Variants in ZNF486 observed in about 807,000 individuals in gnomAD.
The protein encoded by ZNF486 is zinc finger protein 486.
In ZNF486, 12 loss-of-function variants were observed where a neutral mutation model predicts 12.8. The ratio of observed to expected loss-of-function variants is 0.94; its 90% CI spans 0.60 to 1.52. The LOEUF (loss-of-function observed/expected upper bound fraction) is 1.52, where lower values mean the gene tolerates loss of function less well. Ranked by LOEUF, ZNF486 falls within the 40% of genes most tolerant of loss-of-function variation. ZNF486 has a pLI of 0.00. For synonymous variants in ZNF486, 231 were observed against 184.9 expected, an observed-to-expected ratio of 1.25 and a Z score of -2.02; for missense variants, 738 against 545.0, an observed-to-expected ratio of 1.35 and a Z score of -3.53.
intron 1 of ZNF486, among the ~76,000 whole-genome samples, chr19:20,174,144 G>C (rs2089679706): frequency 6.6e-6 from 1 of 152,020 alleles, no homozygotes; most frequent in Admixed American, 6.6e-5. Flanking sequence ...ATACATAATG[G>C]TAAACATTAA....
At position 20,197,878 on chromosome 19, in the gene ZNF486, T is replaced by A; in HGVS notation, c.1168T>A (p.Ser390Thr). The change falls in exon 4 of 4, where the codon TCT becomes ACT. Residue 390 changes from serine to threonine, a missense_variant. Ser to Thr is a moderately conservative substitution (Grantham distance 58). Coordinates refer to ENST00000335117, the MANE Select transcript of ZNF486 (RefSeq NM_052852.4). ...CEECGKAFTW[S>T]AGLHKHRRTH... is the part of the protein sequence containing the mutation. Reference sequence around the variant, plus strand: ...AGAATGTGGCAAAGCCTTTACATGGTCTGCAGGCCTCCATAAACATAGGAG... The same window carrying A: ...AGAATGTGGCAAAGCCTTTACATGGACTGCAGGCCTCCATAAACATAGGAG... 1 of 1,613,348 alleles carries A rather than the reference T, an allele frequency of 6.2e-7. No homozygotes were observed. The highest frequency in any genetic ancestry group is 8.5e-7 in the Non-Finnish European group (1 of 1,179,874).
intron 3 of ZNF486, among the ~76,000 whole-genome samples, chr19:20,186,784 G>GTGT (rs1555716545): frequency 1.6e-5 from 2 of 122,482 alleles, no homozygotes; most frequent in African/African-American, 6.5e-5. Flanking sequence ...ATTTTCATAG[G>GTGT]TTTTTTTTTT....
At chr19:20,174,137 C>T (rs1382485390) in intron 1 of ZNF486, among the ~76,000 whole-genome samples, 1 of 152,052 alleles carries the variant, frequency 6.6e-6, no homozygotes, top group African/African-American at 2.4e-5. Context: ...TTTAGCAATA[C>T]ATAATGGTAA....
intron 3 of ZNF486, among the ~76,000 whole-genome samples, chr19:20,194,257 G>A (rs1218406228): frequency 6.6e-6 from 1 of 152,154 alleles, no homozygotes; most frequent in African/African-American, 2.4e-5. Flanking sequence ...TCTTTGATGT[G>A]TATGGTGTAT....
chr19:20,183,763 CAT>C (rs782367344), intron 1 of ZNF486, among the ~76,000 whole-genome samples: 21 of 151,878 alleles, frequency 1.4e-4, no homozygotes, highest in Non-Finnish European at 2.1e-4. Context: ...CTTTTTTAAA[CAT>C]ATTTTTCTTA....
Position 20,198,139 on chromosome 19 carries a change from G to T in ZNF486, c.*37G>T. 1 of 1,498,286 alleles carries T rather than the reference G, an allele frequency of 6.7e-7. No homozygotes were observed. The highest frequency in any genetic ancestry group is 8.9e-7 in the Non-Finnish European group (1 of 1,121,696). 92.8% of individuals were successfully genotyped at this position (1,498,286 alleles called of 1,614,324 possible). On this transcript the variant is annotated 3_prime_UTR_variant, in exon 4 of 4. Coordinates refer to ENST00000335117, the MANE Select transcript of ZNF486 (RefSeq NM_052852.4). ...TTTATTATTATTATTTTTTTGAGAGGTAATTCTGCTGTTGTTTCCCAGGCT... is the reference window on the plus strand; with the variant it reads ...TTTATTATTATTATTTTTTTGAGAGTTAATTCTGCTGTTGTTTCCCAGGCT...
chr19:20,192,986 C>T (rs548528622), intron 3 of ZNF486, among the ~76,000 whole-genome samples: 3 of 152,196 alleles, frequency 2.0e-5, no homozygotes, highest in Admixed American at 1.3e-4. Flanking sequence ...TTTTTCTCAT[C>T]TCCTGTTTTA....
chr19:20,168,936 G>A (rs2089615092), intron 1 of ZNF486, among the ~76,000 whole-genome samples: 1 of 151,984 alleles, frequency 6.6e-6, no homozygotes, highest in African/African-American at 2.4e-5. Context: ...CGCCTCCGGG[G>A]TTCAAGCAGT....
At chr19:20,174,745 G>C (rs1241716257) in intron 1 of ZNF486, among the ~76,000 whole-genome samples, 1 of 152,048 alleles carries the variant, frequency 6.6e-6, no homozygotes, top group East Asian at 1.9e-4. Flanking sequence ...TCACTTAAAT[G>C]GTTATTTTAA....
rs1194034858 is a variant in ZNF486, at chr19:20,177,640, C to T, written c.31-6716C>T. Among the ~76,000 whole-genome samples, 7 of 152,200 alleles carry T rather than the reference C, an allele frequency of 4.6e-5. No homozygotes were observed. In the South Asian group the frequency reaches 6.2e-4, roughly 14 times the overall value. On this transcript the variant is annotated intron_variant, in intron 1 of 3. Transcript: ENST00000335117. ...TTGCCCAGGCTGGAGTGCAATGGTG[C>T]GATCTCAGCTCACTAACCCCGCCTC...
intron 1 of ZNF486, among the ~76,000 whole-genome samples, chr19:20,170,166 G>A (rs1161495883): frequency 3.3e-5 from 5 of 151,966 alleles, no homozygotes; most frequent in Non-Finnish European, 7.4e-5. Context: ...CGAAGTGCTG[G>A]GATTACAGGC....
In ZNF486 at chr19:20,197,472, T is replaced by G. The variant is rs1555718219; in HGVS notation, c.762T>G (p.Thr254=). 4 of 1,608,832 alleles carry G rather than the reference T, an allele frequency of 2.5e-6. No homozygotes were observed. The Admixed American group carries it at 6.7e-5, about 27-fold the overall frequency. ...TCTTTAAGTACTTCTCTAGCTTTAC[T>G]ACACATAAGAAAATTCATAGTGGAG... ...GKVFKYFSSF[T]THKKIHSGEK... The change falls in exon 4 of 4, where the codon ACT becomes ACG. Residue 254 remains threonine, a synonymous_variant. Transcript: ENST00000335117.
Position 20,200,340 on chromosome 19 carries a change from C to CTATATGAAGTAATGTATCATG in ZNF486, c.*2255_*2256insCATGTATATGAAGTAATGTAT, listed in dbSNP as rs1555718734. The CTATATGAAGTAATGTATCATG allele has an allele frequency of 1.1e-4, 16 of 152,032 alleles. No individual in the cohort carries two copies. The highest frequency in any genetic ancestry group is 3.9e-4 in the African/African-American group (16 of 41,500). The allele number at this position is 152,032 out of a possible 1,614,324, so 9.4% of individuals were successfully genotyped here. A position where few individuals can be genotyped will look rare whatever the true frequency, so the allele number is the denominator to read the frequency against. ...AGTGGAGAGGCTCTTTGTAGTTAAC[C>CTATATGAAGTAATGTATCATG]TATATGAAGTAATGTATAAGGTAGG... is the stretch of plus-strand genomic sequence containing the variant. On this transcript the variant is annotated 3_prime_UTR_variant, in exon 4 of 4. Coordinates refer to ENST00000335117, the MANE Select transcript of ZNF486 (RefSeq NM_052852.4).
intron 3 of ZNF486, among the ~76,000 whole-genome samples, chr19:20,191,831 T>C (rs904440255): frequency 3.9e-5 from 6 of 152,116 alleles, no homozygotes; most frequent in Non-Finnish European, 8.8e-5. Flanking sequence ...GTATGCAAAA[T>C]AATATGGTCT....
intron 1 of ZNF486, among the ~76,000 whole-genome samples, chr19:20,174,418 A>T: frequency 6.8e-6 from 1 of 147,368 alleles, no homozygotes; most frequent in African/African-American, 2.5e-5. Flanking sequence ...TTTTTGAGAG[A>T]GTCTCTGTTG....
intron 1 of ZNF486, among the ~76,000 whole-genome samples, chr19:20,170,143 C>G (rs1008672473): frequency 6.6e-6 from 1 of 151,506 alleles, no homozygotes; most frequent in Non-Finnish European, 1.5e-5. Context: ...GTGATCCGCC[C>G]GCCTCGGCCT....
In ZNF486 at chr19:20,197,323, A is replaced by G; in HGVS notation, c.613A>G (p.Thr205Ala). The change falls in exon 4 of 4, where the codon ACT becomes GCT. Residue 205 changes from threonine to alanine, a missense_variant. Coordinates refer to ENST00000335117, the MANE Select transcript of ZNF486 (RefSeq NM_052852.4). ...STHTTHKKID[T>A]GEKPYKCEEC... ...CCATACTACACATAAAAAAATTGAT[A>G]CTGGAGAGAAACCATACAAATGTGA... 1 of 1,612,964 alleles carries G rather than the reference A, an allele frequency of 6.2e-7. No individual in the cohort carries two copies. The highest frequency in any genetic ancestry group is 8.5e-7 in the Non-Finnish European group (1 of 1,179,574).
intron 3 of ZNF486, among the ~76,000 whole-genome samples, chr19:20,193,189 G>T (rs1373891584): frequency 6.6e-6 from 1 of 150,816 alleles, no homozygotes; most frequent in Non-Finnish European, 1.5e-5. Context: ...ATATTTTATG[G>T]TTTGTTACTG....
chr19:20,192,236 T>A (rs1234058585), intron 3 of ZNF486, among the ~76,000 whole-genome samples: 1 of 152,212 alleles, frequency 6.6e-6, no homozygotes, highest in African/African-American at 2.4e-5. Context: ...ATGAGTCTCT[T>A]GTAGGCAGCA....
Sources: allele counts gnomAD v4.1 joint callset (sites outside exome capture counted in the v4.1 genomes callset), GRCh38; gene constraint gnomAD v4.1.1; transcripts MANE v1.5; gene names NCBI Gene and HGNC (gene_info 2026-07-23, HGNC 2026-07-21).